The following METTL8 variants were observed in gnomAD, a reference collection of about 807,000 sequenced individuals.
METTL8 encodes the protein tRNA N(3)-cytidine methyltransferase METTL8, mitochondrial.
A neutral mutation model predicts 48.7 loss-of-function variants in METTL8; 32 were observed. The observed-to-expected ratio is 0.66, with a 90% CI of 0.50 to 0.88. METTL8 has a LOEUF of 0.88. METTL8 is among the 40% of genes least tolerant of loss of function. METTL8 has a pLI of 0.00. For synonymous variants in METTL8, 136 were observed against 157.1 expected (o/e 0.87, Z 1.01); for missense variants, 464 against 474.4 (o/e 0.98, Z 0.20).
At position 171,389,514 on chromosome 2, in the gene METTL8, C is replaced by CAA. The variant is rs56087323; in HGVS notation, c.143+2527_143+2528dup. Among the ~76,000 whole-genome samples the CAA allele has an allele frequency of 8.8e-4, 46 of 52,034 alleles. 2 individuals are homozygous for CAA. Among genetic ancestry groups the CAA allele is most frequent in the South Asian group, 1.1e-3 (1 of 936 alleles). 34.1% of individuals were successfully genotyped at this position (52,034 alleles called of 152,430 possible). On this transcript the variant is annotated intron_variant, in intron 2 of 9. Coordinates refer to ENST00000375258, the MANE Select transcript of METTL8 (RefSeq NM_001321154.2). ...TGGGTGACAGAGTCTCCCTGTCTCACAAAAAAAAAAAAAAAAAAAAAAAAA... is the reference window on the plus strand; with the variant it reads ...TGGGTGACAGAGTCTCCCTGTCTCACAAAAAAAAAAAAAAAAAAAAAAAAAAA...
chr2:171,326,015 AT>A (rs777507336), intron 8 of METTL8, 26 bp downstream of exon 8: 56 of 1,404,222 alleles, frequency 4.0e-5, no homozygotes, highest in Middle Eastern at 3.5e-4. Flanking sequence ...ACATTTAAAA[AT>A]AACCTCAAAC....
chr2:171,415,349 C>CTTT lies in METTL8; in HGVS notation c.-13+18531_-13+18533dup, dbSNP rs762739077. ...TTTTCTTCTTAATATATCTCGAAAT[C>CTTT]TTTTTTTTTTTTTTTTTTTTTTTGA... On this transcript the variant is annotated intron_variant, in intron 1 of 9. Coordinates refer to ENST00000375258, the MANE Select transcript of METTL8 (RefSeq NM_001321154.2). Among the ~76,000 whole-genome samples the CTTT allele has an allele frequency of 1.3e-3, 144 of 112,370 alleles. 1 individual carries two copies. The highest frequency in any genetic ancestry group is 3.3e-3 in the African/African-American group (85 of 25,572). The allele number at this position is 112,370 out of a possible 152,430, so 73.7% of individuals were successfully genotyped here.
At chr2:171,356,950 A>ATTTTTTTTTTTTTT (rs1202277226) in intron 3 of METTL8, among the ~76,000 whole-genome samples, 392 of 4,708 alleles carry the variant, frequency 0.083, 17 homozygotes, top group African/African-American at 0.11. Context: ...TTCAAAGACA[A>ATTTTTTTTTTTTTT]TATTTTTTTT....
At chr2:171,416,940 GT>G (rs1691373276) in intron 1 of METTL8, among the ~76,000 whole-genome samples, 1 of 152,184 alleles carries the variant, frequency 6.6e-6, no homozygotes, top group African/African-American at 2.4e-5. Flanking sequence ...GGAAATACAT[GT>G]TTCCATAATA....
chr2:171,429,508 T>C (rs1347613565), intron 1 of METTL8, among the ~76,000 whole-genome samples: 1 of 152,224 alleles, frequency 6.6e-6, no homozygotes, highest in East Asian at 1.9e-4. Context: ...TAAAGTCTCA[T>C]TGCTCACAAT....
intron 3 of METTL8, among the ~76,000 whole-genome samples, chr2:171,353,715 A>G (rs981207175): frequency 1.8e-4 from 27 of 152,172 alleles, no homozygotes; most frequent in African/African-American, 6.3e-4. Context: ...ACCATCATGT[A>G]ATGGCCTTTG....
In METTL8 at chr2:171,316,512, T is replaced by C. The variant is rs1303338414; in HGVS notation, c.*7660A>G. 6.6e-6 allele frequency among the ~76,000 whole-genome samples: 1 copy of C among 152,226 alleles called. No individual in the cohort carries two copies. Among genetic ancestry groups the C allele is most frequent in the Non-Finnish European group, 1.5e-5 (1 of 68,038 alleles). ...AACAAGGAAGATTATAATGAAGCTT[T>C]GTCTCACTAATCTCCAGAGCCCAGG... On this transcript the variant is annotated 3_prime_UTR_variant, in exon 10 of 10. Transcript: ENST00000375258.
intron 3 of METTL8, among the ~76,000 whole-genome samples, chr2:171,340,305 C>A (rs2105421837): frequency 6.6e-6 from 1 of 151,414 alleles, no homozygotes; most frequent in Non-Finnish European, 1.5e-5. Flanking sequence ...AGTTCAAGAC[C>A]AGCCTGGCCA....
rs893053222 is a variant in METTL8, at chr2:171,320,081, C to T, written c.*4091G>A. The T allele has an allele frequency of 4.6e-5, 7 of 152,020 alleles. No individual in the cohort carries two copies. The highest frequency in any genetic ancestry group is 2.1e-4 in the South Asian group (1 of 4,814). The allele number at this position is 152,020 out of a possible 1,614,324, so 9.4% of individuals were successfully genotyped here. On this transcript the variant is annotated 3_prime_UTR_variant, in exon 10 of 10. Transcript: ENST00000375258. Reference sequence around the variant, plus strand: ...AATACCCAAGCAGTTACATTTGCAACGCTTCATGATTTCTTAACATCTATA... The same window carrying T: ...AATACCCAAGCAGTTACATTTGCAATGCTTCATGATTTCTTAACATCTATA...
intron 1 of METTL8, among the ~76,000 whole-genome samples, chr2:171,425,901 G>A (rs1035252019): frequency 5.9e-5 from 9 of 152,202 alleles, no homozygotes; most frequent in African/African-American, 2.2e-4. Context: ...GCTCACGCCT[G>A]TAATCCCAGC....
intron 1 of METTL8, among the ~76,000 whole-genome samples, chr2:171,428,964 G>A (rs2105681072): frequency 6.6e-6 from 1 of 152,274 alleles, no homozygotes; most frequent in South Asian, 2.1e-4. Flanking sequence ...ATGAAAACAT[G>A]GGAAGATAAT....
At chr2:171,357,677 A>G (rs887483245) in intron 3 of METTL8, among the ~76,000 whole-genome samples, 1 of 151,982 alleles carries the variant, frequency 6.6e-6, no homozygotes, top group Non-Finnish European at 1.5e-5. Context: ...AATAGAGCAC[A>G]AAATCCTGAA....
chr2:171,349,609 A>G (rs1357791023), intron 3 of METTL8, among the ~76,000 whole-genome samples: 1 of 152,238 alleles, frequency 6.6e-6, no homozygotes, highest in Non-Finnish European at 1.5e-5. Context: ...TATTGTGAAT[A>G]GTGCTGCTAT....
chr2:171,360,334 G>T, intron 3 of METTL8, 88 bp downstream of exon 3: 1 of 1,067,778 alleles, frequency 9.4e-7, no homozygotes, highest in Non-Finnish European at 1.4e-6. Flanking sequence ...CATCAGGAGA[G>T]GCTAAGAACT....
At chr2:171,382,761 A>G (rs1559147327) in intron 2 of METTL8, among the ~76,000 whole-genome samples, 1 of 152,134 alleles carries the variant, frequency 6.6e-6, no homozygotes. Context: ...AAAACTACAA[A>G]AAAACAAACA....
intron 1 of METTL8, among the ~76,000 whole-genome samples, chr2:171,394,772 T>C (rs1467843762): frequency 6.6e-6 from 1 of 152,234 alleles, no homozygotes; most frequent in Non-Finnish European, 1.5e-5. Context: ...TGCAAGCTTC[T>C]AGAGGCAGCA....
intron 7 of METTL8, among the ~76,000 whole-genome samples, chr2:171,327,828 T>C (rs1271135133): frequency 1.3e-5 from 2 of 152,252 alleles, no homozygotes; most frequent in Non-Finnish European, 2.9e-5. Context: ...AAGAAAATCA[T>C]ATCTAAACCT....
At chr2:171,434,370 C>A (rs1693607185), upstream of METTL8, 1 of 847,678 alleles carries the variant, frequency 1.2e-6, no homozygotes, top group Non-Finnish European at 1.9e-6. Flanking sequence ...TTCTTCCCTT[C>A]TCTCCGCGCT....
chr2:171,345,135 G>C (rs889032147), intron 3 of METTL8, among the ~76,000 whole-genome samples: 2 of 152,116 alleles, frequency 1.3e-5, no homozygotes, highest in African/African-American at 4.8e-5. Context: ...GCAGTAAGAG[G>C]GATGTAGCGA....
Sources: allele counts gnomAD v4.1 joint callset (sites outside exome capture counted in the v4.1 genomes callset), GRCh38; gene constraint gnomAD v4.1.1; transcripts MANE v1.5; gene names NCBI Gene and HGNC (gene_info 2026-07-23, HGNC 2026-07-21).